NCAM1: variants seen among roughly 807,000 people sequenced by gnomAD.
NCAM1 encodes the protein antigen recognized by monoclonal antibody 5.1H11.
A neutral mutation model predicts 109.8 loss-of-function variants in NCAM1; 14 were observed. The ratio of observed to expected loss-of-function variants is 0.13; its 90% confidence interval spans 0.08 to 0.20. The LOEUF is 0.20. Ranked by LOEUF, NCAM1 falls within the 10% of genes least tolerant of loss-of-function variation. The probability of loss-of-function intolerance (pLI) is 1.00; values close to 1 mark genes in which losing one functional copy is unlikely to be tolerated. For synonymous variants in NCAM1, 418 were observed against 442.9 expected (o/e 0.94, Z 0.70); for missense variants, 774 against 1,109.9 (o/e 0.70, Z 4.30).
intron 14 of NCAM1, 74 bp from the exon 15 acceptor site, chr11:113,246,294 A>G: frequency 1.4e-6 from 1 of 707,118 alleles, no homozygotes; most frequent in Non-Finnish European, 2.6e-6. Flanking sequence ...AACCAATATC[A>G]TGTGCGTGCG....
intron 1 of NCAM1, among the ~76,000 whole-genome samples, chr11:112,966,700 C>T (rs143322446): frequency 1.2e-3 from 179 of 152,360 alleles, no homozygotes; most frequent in Non-Finnish European, 2.1e-3. Flanking sequence ...TGTTGAAATA[C>T]TGTCTCTCAG....
chr11:113,055,998 TATATATATATATATATATATATATATAAA>T (rs1361849068), intron 1 of NCAM1, among the ~76,000 whole-genome samples: 44 of 114,322 alleles, frequency 3.8e-4, no homozygotes, highest in African/African-American at 1.4e-3. Flanking sequence ...TATATATATA[TATATATATATATATATATATATATATAAA>T]ATATATATAT....
intron 1 of NCAM1, among the ~76,000 whole-genome samples, chr11:113,083,370 C>T (rs1555087650): frequency 6.6e-6 from 1 of 151,900 alleles, no homozygotes; most frequent in Admixed American, 6.6e-5. Flanking sequence ...ACTGTACTGC[C>T]TCCCACCAGG....
intron 1 of NCAM1, among the ~76,000 whole-genome samples, chr11:113,022,872 G>A (rs190091665): frequency 1.2e-4 from 19 of 152,156 alleles, no homozygotes. Flanking sequence ...CACTACATCT[G>A]CATTCTAGCA....
At chr11:113,091,549 C>A (rs1555089378) in intron 1 of NCAM1, among the ~76,000 whole-genome samples, 1 of 152,062 alleles carries the variant, frequency 6.6e-6, no homozygotes, top group Non-Finnish European at 1.5e-5. Flanking sequence ...AGGTTAGAGG[C>A]CAGAGCTGTA....
rs1034229617 is a variant in NCAM1, at chr11:113,221,447, A to G, written c.1089+122A>G. The G allele has an allele frequency of 2.8e-5, 29 of 1,031,610 alleles. No individual in the cohort carries two copies. In the African/African-American group the frequency reaches 3.8e-4, roughly 14 times the overall value. 63.9% of individuals were successfully genotyped at this position (1,031,610 alleles called of 1,614,324 possible). The stretch of plus-strand genomic sequence containing the variant: ...AGTAATTTAGCTAAAGAATAGGTCG[A>G]TAGTGGTAGACATTACTTAGCAATA... On this transcript the variant is annotated intron_variant, in intron 9 of 19. Transcript: ENST00000316851.
intron 14 of NCAM1, among the ~76,000 whole-genome samples, chr11:113,236,611 C>T (rs540508272): frequency 6.6e-6 from 1 of 152,272 alleles, no homozygotes; most frequent in East Asian, 1.9e-4. Flanking sequence ...ATGGTGTTTG[C>T]TGAGCCAAGC....
chr11:113,274,520 C>T lies in NCAM1; in HGVS notation c.2457-747C>T, dbSNP rs1555126183. ...ATTTTTATAGAGGCTCCTATGGCTG[C>T]TCCCCAGATAAGCTGCCATGCTGCC... is the stretch of plus-strand genomic sequence containing the variant. On this transcript the variant is annotated intron_variant, in intron 19 of 19. Coordinates refer to ENST00000316851, the MANE Select transcript of NCAM1 (RefSeq NM_181351.5). The surrounding 1 kb of genome is among the most constrained non-coding windows in gnomAD (Gnocchi z 4.1). Among the ~76,000 whole-genome samples the T allele has an allele frequency of 6.6e-6, 1 of 152,184 alleles. No homozygotes were observed. The highest frequency in any genetic ancestry group is 2.4e-5 in the African/African-American group (1 of 41,432).
At position 113,275,463 on chromosome 11, in the gene NCAM1, G is replaced by GACAC. The variant is rs375385430; in HGVS notation, c.*83_*86dup. 6.5e-7 allele frequency: 1 copy of GACAC among 1,534,478 alleles called. No homozygotes were observed. Among genetic ancestry groups the GACAC allele is most frequent in the Non-Finnish European group, 8.9e-7 (1 of 1,129,370 alleles). On this transcript the variant is annotated 3_prime_UTR_variant, in exon 20 of 20. Coordinates refer to ENST00000316851, the MANE Select transcript of NCAM1 (RefSeq NM_181351.5). ...TCACCAGAGCATTTCCAACACCACA[G>GACAC]ACACACACACGCACGCACACACACA...
At chr11:113,199,792 A>C (rs561420004) in intron 1 of NCAM1, among the ~76,000 whole-genome samples, 2 of 149,508 alleles carry the variant, frequency 1.3e-5, no homozygotes, top group East Asian at 4.0e-4. Flanking sequence ...ATAATAAAAA[A>C]AAGAATATTT....
chr11:112,989,267 A>G (rs1555070199), intron 1 of NCAM1, among the ~76,000 whole-genome samples: 2 of 152,144 alleles, frequency 1.3e-5, no homozygotes, highest in Non-Finnish European at 2.9e-5. Flanking sequence ...GTGGTGTCCC[A>G]TAGGCCCCTT....
At chr11:113,245,973 G>C (rs1309512527) in intron 14 of NCAM1, 1 of 217,686 alleles carries the variant, frequency 4.6e-6, no homozygotes, top group East Asian at 9.8e-5. Flanking sequence ...TTGACATCTG[G>C]GTCCTGACAG....
chr11:113,044,816 C>T (rs1219791403), intron 1 of NCAM1, among the ~76,000 whole-genome samples: 1 of 152,026 alleles, frequency 6.6e-6, no homozygotes, highest in African/African-American at 2.4e-5. Context: ...TGCAGTGGCG[C>T]GATCTCGGCT....
chr11:113,121,421 A>C lies in NCAM1; in HGVS notation c.53-80958A>C, dbSNP rs1940951860. ...TTTTTGGTAAAGATGGGATTTCACC[A>C]TGTTGGCTAGGCTGGTCTCGAACTC... On this transcript the variant is annotated intron_variant, in intron 1 of 19. Coordinates refer to ENST00000316851, the MANE Select transcript of NCAM1 (RefSeq NM_181351.5). Among the ~76,000 whole-genome samples the C allele has an allele frequency of 2.7e-5, 4 of 148,130 alleles. No homozygotes were observed. In the South Asian group the frequency reaches 8.5e-4, roughly 32 times the overall value.
intron 16 of NCAM1, among the ~76,000 whole-genome samples, chr11:113,256,566 A>G (rs1358196946): frequency 2.0e-5 from 3 of 152,184 alleles, no homozygotes; most frequent in Admixed American, 1.3e-4. Context: ...CCACTGCCCA[A>G]GGCTGCCTAA....
In NCAM1 at chr11:113,207,965, T is replaced by C; in HGVS notation, c.879T>C (p.Ala293=). 3 of 1,611,900 alleles carry C rather than the reference T, an allele frequency of 1.9e-6. No individual in the cohort carries two copies. Among genetic ancestry groups the C allele is most frequent in the African/African-American group, 1.3e-5 (1 of 75,002 alleles). ...AEYICIAENK[A]GEQDATIHLK... The stretch of plus-strand genomic sequence containing the variant: ...ACATCTGCATTGCTGAGAACAAGGC[T>C]GGCGAGCAGGATGCGACCATCCACC... The change falls in exon 7 of 20, where the codon GCT becomes GCC. Residue 293 remains alanine (A), a synonymous_variant. Transcript: ENST00000316851.
At chr11:113,266,287 C>A (rs1946133245) in intron 17 of NCAM1, among the ~76,000 whole-genome samples, 1 of 152,208 alleles carries the variant, frequency 6.6e-6, no homozygotes, top group South Asian at 2.1e-4. Flanking sequence ...ACAGCCTGTC[C>A]CTTCTTCACA....
chr11:112,973,169 T>A (rs1021191075), intron 1 of NCAM1, among the ~76,000 whole-genome samples: 1 of 152,166 alleles, frequency 6.6e-6, no homozygotes, highest in Non-Finnish European at 1.5e-5. Context: ...TGAAGCTTGT[T>A]CTGCATGTCA....
intron 1 of NCAM1, among the ~76,000 whole-genome samples, chr11:112,996,808 G>A (rs1309997875): frequency 6.6e-6 from 1 of 152,168 alleles, no homozygotes. Context: ...GAAAAAGTTG[G>A]AATGCAGGAT....
Sources: gnomAD v4.1 joint callset for allele counts (sites outside exome capture counted in the v4.1 genomes callset) on GRCh38, gnomAD v4.1.1 for gene constraint, Gnocchi (gnomAD v3.1) non-coding constraint, MANE v1.5 for transcripts, NCBI Gene and HGNC (gene_info 2026-07-23, HGNC 2026-07-21) for gene names.